SETD1B: variants seen among roughly 807,000 people sequenced by gnomAD.
SETD1B encodes histone-lysine N-methyltransferase SETD1B.
A neutral mutation model predicts 148.0 loss-of-function variants in SETD1B; 7 were observed. The observed-to-expected ratio is 0.05, with a 90% CI of 0.03 to 0.09. The LOEUF is 0.09. SETD1B is among the 10% of genes least tolerant of loss of function. The pLI, the probability that SETD1B is intolerant of heterozygous loss-of-function variation, is 1.00. For synonymous variants in SETD1B, 1,361 were observed against 1,186.5 expected (o/e 1.15, Z -3.02); for missense variants, 2,155 against 2,729.9 (o/e 0.79, Z 4.69).
At chr12:121,829,214 C>T (rs541239713) in intron 16 of SETD1B, among the ~76,000 whole-genome samples, 3 of 152,266 alleles carry the variant, frequency 2.0e-5, no homozygotes, top group South Asian at 2.1e-4. Context: ...CCTTTGGAAA[C>T]GTTTCCCTGG....
chr12:121,799,747 C>CGGG (rs1875231945), upstream of SETD1B: 1 of 69,566 alleles, frequency 1.4e-5, no homozygotes. Flanking sequence ...GGGGCGGGGC[C>CGGG]GCAGAACCAG....
chr12:121,802,135 A>G (rs1875402936), upstream of SETD1B: 1 of 152,214 alleles, frequency 6.6e-6, no homozygotes, highest in Non-Finnish European at 1.5e-5. Flanking sequence ...AGCTACGGGG[A>G]AGAAAGCTGA....
rs1049929223 is a variant in SETD1B at position 121,819,600 on chromosome 12, C to G, written c.3615C>G (p.Gly1205=). The G allele has an allele frequency of 5.8e-6, 9 of 1,552,138 alleles. No homozygotes were observed. In the Middle Eastern group the frequency reaches 6.7e-4, roughly 115 times the overall value. Reference sequence around the variant, plus strand: ...CCGAGGAAAGCATGGCTTCTGCAGGCCCTGAGGACTTTGAGCAGGACGGGG... The same window carrying G: ...CCGAGGAAAGCATGGCTTCTGCAGGGCCTGAGGACTTTGAGCAGGACGGGG... The part of the protein sequence containing the change: ...MVAEESMASA[G]PEDFEQDGEE... Residue 1205 remains glycine (G), a synonymous_variant, in exon 11 of 17, where the codon GGC becomes GGG. Coordinates refer to ENST00000604567, the MANE Select transcript of SETD1B (RefSeq NM_001353345.2).
At chr12:121,818,112 G>C (rs924027187) in intron 10 of SETD1B, among the ~76,000 whole-genome samples, 6 of 152,216 alleles carry the variant, frequency 3.9e-5, no homozygotes, top group African/African-American at 1.4e-4. Context: ...TAGAAAGCAG[G>C]TCTGTGGTCC....
At chr12:121,812,273 G>A (rs1876071945) in intron 6 of SETD1B, among the ~76,000 whole-genome samples, 2 of 152,336 alleles carry the variant, frequency 1.3e-5, no homozygotes, top group South Asian at 4.1e-4. Flanking sequence ...TGCAGGGGGG[G>A]CTTTTCTTCT....
the SETD1B span, among the ~76,000 whole-genome samples, chr12:121,798,062 A>C: frequency 6.6e-6 from 1 of 152,224 alleles, no homozygotes; most frequent in Non-Finnish European, 1.5e-5. Context: ...GGATGCCAGC[A>C]GACAGCTGGC....
chr12:121,800,024 C>G (rs960062936), upstream of SETD1B: 1 of 152,174 alleles, frequency 6.6e-6, no homozygotes, highest in Admixed American at 6.5e-5. Context: ...GCCGAATACA[C>G]AGCAGACGGG....
chr12:121,822,417 G>C, intron 11 of SETD1B, 73 bp from the exon 12 acceptor site: 2 of 1,465,654 alleles, frequency 1.4e-6, no homozygotes. Flanking sequence ...GCCAGGTATG[G>C]AGCACAAAAT....
chr12:121,812,648 G>A (rs944906929), intron 6 of SETD1B, among the ~76,000 whole-genome samples: 2 of 151,980 alleles, frequency 1.3e-5, no homozygotes, highest in South Asian at 2.1e-4. Flanking sequence ...GCCGCGGCGC[G>A]CTGTGCTCGG....
Position 121,804,304 on chromosome 12 carries a change from G to A in SETD1B, c.-15+71G>A, listed in dbSNP as rs1289996334. 2 of 145,924 alleles carry A rather than the reference G, an allele frequency of 1.4e-5. No homozygotes were observed. Among genetic ancestry groups the A allele is most frequent in the Non-Finnish European group, 3.0e-5 (2 of 65,628 alleles). The allele number at this position is 145,924 out of a possible 1,614,324, so 9.0% of individuals were successfully genotyped here. ...GGCCCAAGCCCCCGGCCCCGGCCCT[G>A]GCCCGAGCGGGCGAGCGGGCGGGCG... is the stretch of plus-strand genomic sequence containing the variant. On this transcript the variant is annotated intron_variant, in intron 1 of 16. Transcript: ENST00000604567. The surrounding 1 kb of genome is among the most constrained non-coding windows in gnomAD (Gnocchi z 4.6).
rs1284336891 is a variant in SETD1B, at chr12:121,808,256, C to T, written c.593C>T (p.Thr198Ile). Reference protein sequence around the residue: ...FYELLVTGRYTPQTLPVGELD... With the variant: ...FYELLVTGRYIPQTLPVGELD... Reference sequence around the variant, plus strand: ...GAACTGTTGGTCACTGGCCGATACACCCCCCAGACCCTCCCAGTGGGCGAG... The same window carrying T: ...GAACTGTTGGTCACTGGCCGATACATCCCCCAGACCCTCCCAGTGGGCGAG... The change falls in exon 5 of 17, where the codon ACC (threonine) becomes ATC (isoleucine). Residue 198 changes from threonine (T) to isoleucine (I), a missense_variant. Around this residue, in one of 11 missense-constraint regions of SETD1B, gnomAD observed 124 missense variants for 282.9 expected, o/e 0.44. Transcript: ENST00000604567. The surrounding 1 kb of genome is among the most constrained non-coding windows in gnomAD (Gnocchi z 5.3). The T allele has an allele frequency of 6.5e-7, 1 of 1,549,918 alleles. No homozygotes were observed. The highest frequency in any genetic ancestry group is 2.0e-5 in the Admixed American group (1 of 50,830).
chr12:121,794,111 CA>C, the SETD1B span: 1 of 158,082 alleles, frequency 6.3e-6, no homozygotes, highest in Middle Eastern at 2.9e-3. Flanking sequence ...AAGAGCCCCT[CA>C]ACTTTGCACT....
intron 11 of SETD1B, among the ~76,000 whole-genome samples, chr12:121,821,458 A>G (rs1876564195): frequency 6.7e-6 from 1 of 149,926 alleles, no homozygotes; most frequent in African/African-American, 2.5e-5. Flanking sequence ...AAAAGAAAGA[A>G]AAAGAAATGT....
intron 10 of SETD1B, among the ~76,000 whole-genome samples, chr12:121,818,283 C>CCGGA (rs1296271784): frequency 1.3e-5 from 2 of 152,174 alleles, no homozygotes; most frequent in Non-Finnish European, 2.9e-5. Flanking sequence ...GAGCAGTTGG[C>CCGGA]CGGACGCAGT....
In SETD1B at chr12:121,827,510, C is replaced by T. The variant is rs1192347152; in HGVS notation, c.5338-9C>T. 3.3e-6 allele frequency: 5 copies of T among 1,531,888 alleles called. No homozygotes were observed. The highest frequency in any genetic ancestry group is 4.4e-6 in the Non-Finnish European group (5 of 1,139,312). The allele number at this position is 1,531,888 out of a possible 1,614,324, so 94.9% of individuals were successfully genotyped here. ...AGCTCCGCTGAGCCCCGCACACCGT[C>T]CACTGCAGGGCATGAGCATCCCAGC... is the stretch of plus-strand genomic sequence containing the variant. On this transcript the variant is annotated splice_polypyrimidine_tract_variant and intron_variant, in intron 13 of 16. Transcript: ENST00000604567.
chr12:121,817,897 G>A lies in SETD1B; in HGVS notation c.3411G>A (p.Ser1137=), dbSNP rs778749393. ...CGAGTGAGAAGGACGAAGGGGACTCGGATGAAGGTGAGCAGGGAGGCCGTG... is the reference window on the plus strand; with the variant it reads ...CGAGTGAGAAGGACGAAGGGGACTCAGATGAAGGTGAGCAGGGAGGCCGTG... ...SEASEKDEGD[S]DEEETVSIVT... The change falls in exon 10 of 17, where the codon TCG becomes TCA. Residue 1137 remains serine (S), a synonymous_variant. Transcript: ENST00000604567. The surrounding 1 kb of genome is among the most constrained non-coding windows in gnomAD (Gnocchi z 8.1). 42 of 1,545,558 alleles carry A rather than the reference G, an allele frequency of 2.7e-5. No individual in the cohort carries two copies. Among genetic ancestry groups the A allele is most frequent in the Middle Eastern group, 3.3e-4 (2 of 5,982 alleles).
At position 121,823,600 on chromosome 12, in the gene SETD1B, A is replaced by G. The variant is rs2137580885; in HGVS notation, c.5021A>G (p.Glu1674Gly). 6.4e-7 allele frequency: 1 copy of G among 1,551,202 alleles called. No homozygotes were observed. The highest frequency in any genetic ancestry group is 2.0e-5 in the Admixed American group (1 of 50,972). ...PPQPLFRPRS[E>G]FEEMTILYDI... is the part of the protein sequence containing the mutation. ...CAGCCCCTCTTCCGGCCCCGCTCGG[A>G]GTTTGAGGAGATGACCATCCTGTAT... is the stretch of plus-strand genomic sequence containing the variant. The change falls in exon 12 of 17, where the codon GAG (glutamate) becomes GGG (glycine). Residue 1674 changes from glutamate (E) to glycine (G), a missense_variant. By Grantham distance (98) the Glu-to-Gly change is moderately conservative. This residue lies in a region of SETD1B where 862 missense variants were observed against 873.8 expected (regional missense o/e 0.99). Coordinates refer to ENST00000604567, the MANE Select transcript of SETD1B (RefSeq NM_001353345.2).
chr12:121,820,019 C>G, intron 11 of SETD1B, 124 bp downstream of exon 11: 1 of 808,534 alleles, frequency 1.2e-6, no homozygotes, highest in South Asian at 1.7e-5. Context: ...CCGTGTAAAA[C>G]GAGATCAGCC....
chr12:121,796,035 G>A, the SETD1B span: 1 of 151,798 alleles, frequency 6.6e-6, no homozygotes, highest in East Asian at 2.0e-4. Context: ...GAGCGCGTTT[G>A]ATTTGGACTC....
Sources: gnomAD v4.1 joint callset for allele counts (sites outside exome capture counted in the v4.1 genomes callset) on GRCh38, gnomAD v4.1.1 for gene constraint, gnomAD v4.1.1 regional missense constraint, Gnocchi (gnomAD v3.1) non-coding constraint, MANE v1.5 for transcripts, NCBI Gene and HGNC (gene_info 2026-07-23, HGNC 2026-07-21) for gene names.